The following FOXN3 variants were observed in gnomAD, a reference collection of about 807,000 sequenced individuals.
FOXN3 encodes forkhead box N3.
Under a neutral mutation model 38.4 loss-of-function variants are expected in FOXN3, and 7 were observed. The ratio of observed to expected loss-of-function variants is 0.18; its 90% CI spans 0.10 to 0.34. The LOEUF is 0.34. Ranked by LOEUF, FOXN3 falls within the 10% of genes least tolerant of loss-of-function variation. FOXN3 has a pLI of 1.00. For missense variants in FOXN3, 456 were observed against 613.4 expected, an observed-to-expected ratio of 0.74 and a Z score of 2.71; for synonymous variants, 230 against 242.2, an observed-to-expected ratio of 0.95 and a Z score of 0.47.
At chr14:89,576,005 G>A (rs940744710) in intron 1 of FOXN3, among the ~76,000 whole-genome samples, 21 of 152,138 alleles carry the variant, frequency 1.4e-4, no homozygotes, top group East Asian at 1.9e-4. Flanking sequence ...AAGGTCTCAC[G>A]GAAGCAAATT....
At chr14:89,439,338 A>G (rs933894040) in intron 1 of FOXN3, among the ~76,000 whole-genome samples, 17 of 152,154 alleles carry the variant, frequency 1.1e-4, no homozygotes, top group Admixed American at 6.5e-5. Context: ...CTCAGGATGA[A>G]ATGAGAGGTC....
intron 1 of FOXN3, among the ~76,000 whole-genome samples, chr14:89,503,066 C>T (rs143537294): frequency 6.6e-6 from 1 of 152,240 alleles, no homozygotes; most frequent in East Asian, 1.9e-4. Flanking sequence ...AAAAAGGAAT[C>T]GGATCATTTC....
At chr14:89,385,559 G>T (rs1316860980) in intron 2 of FOXN3, among the ~76,000 whole-genome samples, 1 of 148,040 alleles carries the variant, frequency 6.8e-6, no homozygotes, top group East Asian at 2.0e-4. Flanking sequence ...TGTAATCCCA[G>T]CAGTTTGGGA....
chr14:89,459,843 C>T (rs76070925), intron 1 of FOXN3, among the ~76,000 whole-genome samples: 2,269 of 152,222 alleles, frequency 0.015, 48 homozygotes, highest in African/African-American at 0.05. Flanking sequence ...AATATTCCTA[C>T]AATGGGTGCC....
intron 3 of FOXN3, among the ~76,000 whole-genome samples, chr14:89,311,139 A>G (rs1887530732): frequency 6.6e-6 from 1 of 150,790 alleles, no homozygotes; most frequent in African/African-American, 2.4e-5. Context: ...TCTTTTAAAA[A>G]AAATCTTATA....
intron 1 of FOXN3, among the ~76,000 whole-genome samples, chr14:89,585,448 T>C (rs973989250): frequency 6.6e-6 from 1 of 152,246 alleles, no homozygotes; most frequent in African/African-American, 2.4e-5. Context: ...TTATCATATG[T>C]ATGCTAGAGA....
chr14:89,503,312 A>G lies in FOXN3; in HGVS notation c.-14-90822T>C, dbSNP rs541654163. On this transcript the variant is annotated intron_variant, in intron 1 of 6. Transcript: ENST00000345097. ...AGAATGCAAATCAACCAAAATGAAG[A>G]AAAAAAAAACCCATACAGCTGGTTT... 1.2e-4 allele frequency among the ~76,000 whole-genome samples: 18 copies of G among 149,966 alleles called. No individual in the cohort carries two copies. In the South Asian group the frequency reaches 2.3e-3, roughly 19 times the overall value.
chr14:89,194,704 T>C (rs1343502695), intron 4 of FOXN3, among the ~76,000 whole-genome samples: 1 of 132,940 alleles, frequency 7.5e-6, no homozygotes. Context: ...ATGAAAGTAA[T>C]ATGTGCTCAC....
chr14:89,456,030 T>C (rs745813508), intron 1 of FOXN3, among the ~76,000 whole-genome samples: 1 of 151,784 alleles, frequency 6.6e-6, no homozygotes, highest in Non-Finnish European at 1.5e-5. Context: ...CCGTGTCTAC[T>C]AAAAATATAA....
intron 1 of FOXN3, among the ~76,000 whole-genome samples, chr14:89,485,149 CAA>C (rs3057954): frequency 2.3e-5 from 3 of 129,002 alleles, no homozygotes; most frequent in Admixed American, 7.9e-5. Context: ...AAGACTCTCT[CAA>C]AAAAAAAAAA....
At chr14:89,174,243 TG>T (rs1566921092) in intron 5 of FOXN3, among the ~76,000 whole-genome samples, 1 of 152,178 alleles carries the variant, frequency 6.6e-6, no homozygotes. Context: ...ATTCTACCTG[TG>T]CCTCGGCTGT....
intron 1 of FOXN3, among the ~76,000 whole-genome samples, chr14:89,476,296 T>G (rs1893207706): frequency 6.6e-6 from 1 of 152,174 alleles, no homozygotes; most frequent in South Asian, 2.1e-4. Flanking sequence ...TCTATCATAT[T>G]GACTGGGCCA....
At chr14:89,332,087 C>T (rs1046486682) in intron 3 of FOXN3, among the ~76,000 whole-genome samples, 1 of 152,208 alleles carries the variant, frequency 6.6e-6, no homozygotes, top group Non-Finnish European at 1.5e-5. Flanking sequence ...CTAACAACCC[C>T]AGGAAGCTGT....
Position 89,238,338 on chromosome 14 carries a change from A to C in FOXN3, c.745+42612T>G, listed in dbSNP as rs180800422. On this transcript the variant is annotated intron_variant, in intron 4 of 5. Transcript: ENST00000557258. Reference sequence around the variant, plus strand: ...TGACTGGATCAAACTGATGTACCGCAATTTAATTTGCACACAGATACCAGG... The same window carrying C: ...TGACTGGATCAAACTGATGTACCGCCATTTAATTTGCACACAGATACCAGG... Among the ~76,000 whole-genome samples, 423 of 152,342 alleles carry C rather than the reference A, an allele frequency of 2.8e-3. 2 individuals carry two copies. Among genetic ancestry groups the C allele is most frequent in the African/African-American group, 9.9e-3 (410 of 41,576 alleles).
chr14:89,441,139 C>T (rs1892374477), intron 1 of FOXN3, among the ~76,000 whole-genome samples: 1 of 152,186 alleles, frequency 6.6e-6, no homozygotes, highest in Non-Finnish European at 1.5e-5. Flanking sequence ...TCTCAGCCTT[C>T]AGGCCAACTC....
At chr14:89,404,003 G>A (rs1485491610) in intron 2 of FOXN3, among the ~76,000 whole-genome samples, 1 of 152,240 alleles carries the variant, frequency 6.6e-6, no homozygotes, top group Admixed American at 6.5e-5. Context: ...GGGAGGGCTC[G>A]CTGGACCATG....
intron 1 of FOXN3, among the ~76,000 whole-genome samples, chr14:89,551,064 T>G (rs1429068706): frequency 6.6e-6 from 1 of 152,198 alleles, no homozygotes; most frequent in African/African-American, 2.4e-5. Context: ...TTATCAGCCT[T>G]TGAAGTTACG....
intron 1 of FOXN3, among the ~76,000 whole-genome samples, chr14:89,507,517 A>C (rs1479732304): frequency 1.3e-5 from 2 of 152,220 alleles, no homozygotes; most frequent in Non-Finnish European, 2.9e-5. Context: ...CAAACCATAC[A>C]TCAACTTGCC....
upstream of FOXN3, among the ~76,000 whole-genome samples, chr14:89,421,729 A>C (rs1891915161): frequency 6.6e-6 from 1 of 151,468 alleles, no homozygotes; most frequent in African/African-American, 2.4e-5. Context: ...GGGTTTCTCC[A>C]CGTTGGTCAG....
Sources: allele counts gnomAD v4.1 joint callset (sites outside exome capture counted in the v4.1 genomes callset), GRCh38; gene constraint gnomAD v4.1.1; transcripts MANE v1.5; gene names NCBI Gene and HGNC (gene_info 2026-07-23, HGNC 2026-07-21).